ERC2: variants seen among roughly 807,000 people sequenced by gnomAD.
ERC2 encodes ERC protein 2.
In ERC2, 42 loss-of-function variants were observed where a neutral mutation model predicts 114.8. The ratio of observed to expected loss-of-function variants is 0.37; its 90% CI spans 0.29 to 0.47. The LOEUF (loss-of-function observed/expected upper bound fraction) is 0.47. ERC2 is among the 20% of genes least tolerant of loss of function. The pLI is 0.99. For synonymous variants in ERC2, 454 were observed against 425.5 expected, an observed-to-expected ratio of 1.07 and a Z score of -0.82; for missense variants, 939 against 1,150.7, an observed-to-expected ratio of 0.82 and a Z score of 2.66.
Position 56,296,451 on chromosome 3 carries a change from T to C in ERC2, c.658-16A>G, listed in dbSNP as rs759384868. 3 of 1,595,284 alleles carry C rather than the reference T, an allele frequency of 1.9e-6. No homozygotes were observed. Among genetic ancestry groups the C allele is most frequent in the Non-Finnish European group, 2.6e-6 (3 of 1,167,974 alleles). On this transcript the variant is annotated splice_polypyrimidine_tract_variant and intron_variant, in intron 2 of 17. Transcript: ENST00000288221. ...ACTGTAGGTGCTGCAATGAGAAAGA[T>C]GGAGCGGGAGAGGAGAAAGAAGGAA... is the stretch of plus-strand genomic sequence containing the variant.
rs191176430 is a variant in ERC2, at chr3:56,460,859, G to A, written c.-141+7389C>T. ...ATGGCGGCCTAGCGTGGTGGCTCACGCCTGTAATCCTAGCACTTTGGGAGG... is the reference window on the plus strand; with the variant it reads ...ATGGCGGCCTAGCGTGGTGGCTCACACCTGTAATCCTAGCACTTTGGGAGG... On this transcript the variant is annotated intron_variant, in intron 1 of 17. Transcript: ENST00000288221. Among the ~76,000 whole-genome samples the A allele has an allele frequency of 1.5e-4, 22 of 151,510 alleles. No homozygotes were observed. In the East Asian group the frequency reaches 4.1e-3, roughly 28 times the overall value.
chr3:56,403,921 T>C (rs1429222629), intron 2 of ERC2, among the ~76,000 whole-genome samples: 1 of 152,234 alleles, frequency 6.6e-6, no homozygotes, highest in Non-Finnish European at 1.5e-5. Context: ...TTAAGCTGGA[T>C]ACCATGCTGC....
chr3:56,409,598 C>T (rs530598193), intron 2 of ERC2, among the ~76,000 whole-genome samples: 2 of 150,558 alleles, frequency 1.3e-5, no homozygotes, highest in East Asian at 3.9e-4. Flanking sequence ...AGGAATTTTA[C>T]CAGAAATATA....
chr3:55,535,898 A>G (rs2053969370), intron 17 of ERC2, among the ~76,000 whole-genome samples: 1 of 152,048 alleles, frequency 6.6e-6, no homozygotes, highest in African/African-American at 2.4e-5. Context: ...GGAGGCTGAG[A>G]CAGGGAGGGA....
chr3:56,418,862 C>T (rs1183573208), intron 2 of ERC2, among the ~76,000 whole-genome samples: 1 of 152,184 alleles, frequency 6.6e-6, no homozygotes, highest in Non-Finnish European at 1.5e-5. Context: ...TAGGAGGATA[C>T]TGTGCCCACT....
At chr3:56,174,959 G>A (rs531267653) in intron 3 of ERC2, among the ~76,000 whole-genome samples, 1 of 132,602 alleles carries the variant, frequency 7.5e-6, no homozygotes, top group African/African-American at 2.8e-5. Flanking sequence ...GCCTGGTGAT[G>A]GAACGAGACT....
intron 2 of ERC2, among the ~76,000 whole-genome samples, chr3:56,406,978 T>A (rs1271703368): frequency 6.6e-6 from 1 of 152,160 alleles, no homozygotes; most frequent in Non-Finnish European, 1.5e-5. Context: ...TCCCAGTGGA[T>A]TCTTGAACTT....
intron 12 of ERC2, among the ~76,000 whole-genome samples, chr3:55,973,874 C>G (rs562031393): frequency 6.6e-6 from 1 of 151,942 alleles, no homozygotes; most frequent in African/African-American, 2.4e-5. Context: ...CTTAGTTGAT[C>G]GTATGATAAA....
chr3:55,864,362 T>G (rs1160050325), intron 14 of ERC2, among the ~76,000 whole-genome samples: 1 of 151,366 alleles, frequency 6.6e-6, no homozygotes, highest in Non-Finnish European at 1.5e-5. Flanking sequence ...AATAGCAGTT[T>G]CATATGGTAC....
At chr3:55,975,710 C>A (rs57811933) in intron 12 of ERC2, among the ~76,000 whole-genome samples, 1 of 152,276 alleles carries the variant, frequency 6.6e-6, no homozygotes, top group East Asian at 1.9e-4. Context: ...AGTTCAAAAT[C>A]TTTTATCTCA....
intron 3 of ERC2, among the ~76,000 whole-genome samples, chr3:56,294,629 G>C (rs1012151590): frequency 6.6e-6 from 1 of 152,218 alleles, no homozygotes; most frequent in African/African-American, 2.4e-5. Flanking sequence ...ACAGTCTTAT[G>C]TAACCTAATC....
intron 6 of ERC2, among the ~76,000 whole-genome samples, chr3:56,126,701 G>A (rs1269122324): frequency 4.0e-5 from 6 of 151,528 alleles, no homozygotes. Context: ...GCTGCAATGA[G>A]CTATGATGGT....
At chr3:56,336,651 G>A (rs546625212) in intron 2 of ERC2, among the ~76,000 whole-genome samples, 2 of 152,194 alleles carry the variant, frequency 1.3e-5, no homozygotes, top group South Asian at 2.1e-4. Context: ...AAAATTAGCT[G>A]AGCATGGTGG....
chr3:55,930,935 G>A (rs751638779), intron 13 of ERC2, among the ~76,000 whole-genome samples: 4 of 152,124 alleles, frequency 2.6e-5, no homozygotes, highest in Non-Finnish European at 4.4e-5. Context: ...ACAAAATGTG[G>A]GTGAAGGATA....
chr3:56,033,371 C>G (rs1168834498), intron 7 of ERC2, among the ~76,000 whole-genome samples: 1 of 152,118 alleles, frequency 6.6e-6, no homozygotes, highest in African/African-American at 2.4e-5. Context: ...TTTAGAGTAC[C>G]AAAAATGTGA....
At chr3:55,639,979 AG>A (rs1391676605) in intron 17 of ERC2, among the ~76,000 whole-genome samples, 2 of 152,208 alleles carry the variant, frequency 1.3e-5, no homozygotes, top group African/African-American at 4.8e-5. Context: ...AGATCCACAC[AG>A]GGCAGGAGCC....
chr3:55,538,129 G>T (rs1696241), intron 17 of ERC2, among the ~76,000 whole-genome samples: 13 of 152,084 alleles, frequency 8.5e-5, no homozygotes, highest in Admixed American at 8.5e-4. Context: ...ATCTCTTCCT[G>T]TTTGGGGTTT....
chr3:55,987,510 C>T (rs2070728651), intron 11 of ERC2, among the ~76,000 whole-genome samples: 1 of 152,136 alleles, frequency 6.6e-6, no homozygotes, highest in Admixed American at 6.5e-5. Context: ...AATACATTAA[C>T]AAATGTAAGT....
intron 17 of ERC2, among the ~76,000 whole-genome samples, chr3:55,523,571 C>A (rs72868673): frequency 0.016 from 2,468 of 152,244 alleles, 59 homozygotes; most frequent in African/African-American, 0.052. Flanking sequence ...ATTTCTCCCC[C>A]CTCTCCCCAT....
Sources: allele counts gnomAD v4.1 joint callset (sites outside exome capture counted in the v4.1 genomes callset), GRCh38; gene constraint gnomAD v4.1.1; transcripts MANE v1.5; gene names NCBI Gene and HGNC (gene_info 2026-07-23, HGNC 2026-07-21).